DYNC1H1: variants seen among roughly 807,000 people sequenced by gnomAD.
The protein encoded by DYNC1H1 is cytoplasmic dynein 1 heavy chain 1.
DYNC1H1 carries 51 observed loss-of-function variants against 527.1 expected under a neutral mutation model. The observed-to-expected ratio is 0.10, with a 90% CI of 0.08 to 0.12. The LOEUF is 0.12. Ranked by LOEUF, DYNC1H1 falls within the 10% of genes least tolerant of loss-of-function variation. The pLI is 1.00. For missense variants in DYNC1H1, 2,771 were observed against 5,971.8 expected (o/e 0.46, Z 17.66); for synonymous variants, 2,189 against 2,278.8 (o/e 0.96, Z 1.12).
At chr14:102,021,656 CTTTTTT>C (rs757880988) in intron 42 of DYNC1H1, among the ~76,000 whole-genome samples, 2 of 119,840 alleles carry the variant, frequency 1.7e-5, no homozygotes, top group Non-Finnish European at 3.4e-5. Context: ...TTTTCTTTTT[CTTTTTT>C]TTTTTTTTTT....
intron 1 of DYNC1H1, among the ~76,000 whole-genome samples, chr14:101,973,069 T>C (rs998213781): frequency 2.0e-5 from 3 of 152,168 alleles, no homozygotes; most frequent in African/African-American, 7.2e-5. Flanking sequence ...TTAATAGTCG[T>C]TTTAAAAAAT....
intron 10 of DYNC1H1, among the ~76,000 whole-genome samples, chr14:101,990,053 C>T (rs557615494): frequency 2.0e-5 from 3 of 152,210 alleles, no homozygotes; most frequent in African/African-American, 4.8e-5. Flanking sequence ...AGGTGGGCAG[C>T]GGGCTGTCAT....
In DYNC1H1 at chr14:102,017,225, C is replaced by T. The variant is rs768455078; in HGVS notation, c.7986C>T (p.Phe2662=). ...AACTTGGAAAGTGGCTGGTGTTGTT[C>T]TGTGATGAAATCAACTTGCCAGATA... ...PVQLGKWLVL[F]CDEINLPDMD... is the part of the protein sequence containing the mutation. Residue 2662 remains phenylalanine (F), a synonymous_variant, in exon 39 of 78, where the codon TTC becomes TTT. Coordinates refer to ENST00000360184, the MANE Select transcript of DYNC1H1 (RefSeq NM_001376.5). This position sits in a 1 kb window ranked among gnomAD's most constrained non-coding sequence, Gnocchi z 4.6. 4.3e-6 allele frequency: 7 copies of T among 1,614,134 alleles called. No individual in the cohort carries two copies. Among genetic ancestry groups the T allele is most frequent in the Middle Eastern group, 1.6e-4 (1 of 6,084 alleles).
Position 102,020,208 on chromosome 14 carries a change from C to T in DYNC1H1, c.8507+152C>T. The T allele has an allele frequency of 1.9e-6, 2 of 1,065,832 alleles. No homozygotes were observed. Among genetic ancestry groups the T allele is most frequent in the Non-Finnish European group, 2.8e-6 (2 of 721,080 alleles). The allele number at this position is 1,065,832 out of a possible 1,614,324, so 66.0% of individuals were successfully genotyped here. On this transcript the variant is annotated intron_variant, in intron 42 of 77. Coordinates refer to ENST00000360184, the MANE Select transcript of DYNC1H1 (RefSeq NM_001376.5). This position sits in a 1 kb window ranked among gnomAD's most constrained non-coding sequence, Gnocchi z 4.3. ...GAGCAGAGTCAGCCAGGGCAGCCTC[C>T]CGTCTGGACACTGGTCACAGTTGCC...
chr14:101,982,476 C>A (rs562220408), intron 5 of DYNC1H1, among the ~76,000 whole-genome samples: 7 of 151,990 alleles, frequency 4.6e-5, no homozygotes, highest in Non-Finnish European at 8.8e-5. Flanking sequence ...CCTGTAGTCC[C>A]AGCTGCTTGG....
chr14:102,000,848 C>A, intron 18 of DYNC1H1, 106 bp from the exon 19 acceptor site: 1 of 1,019,214 alleles, frequency 9.8e-7, no homozygotes, highest in Non-Finnish European at 1.5e-6. Flanking sequence ...GCTGGGATTA[C>A]AGGCATGAGC....
In DYNC1H1 at chr14:102,039,860, C is replaced by T. The variant is rs1281572682; in HGVS notation, c.11690+128C>T. The T allele has an allele frequency of 4.1e-5, 51 of 1,241,634 alleles. No individual in the cohort carries two copies. In the Admixed American group the frequency reaches 5.9e-4, roughly 14 times the overall value. 76.9% of individuals were successfully genotyped at this position (1,241,634 alleles called of 1,614,324 possible). On this transcript the variant is annotated intron_variant, in intron 62 of 77. Coordinates refer to ENST00000360184, the MANE Select transcript of DYNC1H1 (RefSeq NM_001376.5). The surrounding 1 kb of genome is among the most constrained non-coding windows in gnomAD (Gnocchi z 7.0). ...ATTTTCTTTATTTTATTTTTTGAGACGGAGTCTCCCTTTGTTGCCTAGGCT... is the reference window on the plus strand; with the variant it reads ...ATTTTCTTTATTTTATTTTTTGAGATGGAGTCTCCCTTTGTTGCCTAGGCT...
At position 102,000,277 on chromosome 14, in the gene DYNC1H1, C is replaced by T. The variant is rs2048115250; in HGVS notation, c.3961-9C>T. On this transcript the variant is annotated splice_polypyrimidine_tract_variant and intron_variant, in intron 17 of 77. Transcript: ENST00000360184. ...CCAAAGTCAACTGCTTTACTATTCT[C>T]AATCGCAGGTGGCCTTAGAAGAATT... 1 of 1,614,136 alleles carries T rather than the reference C, an allele frequency of 6.2e-7. No individual in the cohort carries two copies. Among genetic ancestry groups the T allele is most frequent in the East Asian group, 2.2e-5 (1 of 44,878 alleles).
In DYNC1H1 at chr14:102,025,221, A is replaced by T. The variant is rs17541290; in HGVS notation, c.8638-1353A>T. ...GGAGTTCAAGACCAGCCTTACCAAC[A>T]TGGTGAAAACCCATCTCTACTAAAA... On this transcript the variant is annotated intron_variant, in intron 43 of 77. Coordinates refer to ENST00000360184, the MANE Select transcript of DYNC1H1 (RefSeq NM_001376.5). Among the ~76,000 whole-genome samples the T allele has an allele frequency of 7.2e-3, 1,090 of 151,918 alleles. 18 individuals are homozygous for T. Among genetic ancestry groups the T allele is most frequent in the African/African-American group, 0.025 (1,045 of 41,484 alleles).
chr14:102,014,263 G>A (rs2048293986), intron 34 of DYNC1H1, among the ~76,000 whole-genome samples: 1 of 152,172 alleles, frequency 6.6e-6, no homozygotes, highest in Non-Finnish European at 1.5e-5. Context: ...GCTGGGCATG[G>A]TGGTTCGTGC....
In DYNC1H1 at chr14:102,017,018, G is replaced by A; in HGVS notation, c.7848+19G>A. 2 of 1,614,254 alleles carry A rather than the reference G, an allele frequency of 1.2e-6. No homozygotes were observed. The highest frequency in any genetic ancestry group is 1.1e-5 in the South Asian group (1 of 91,084). ...CATGGAGGTAAAGAGGCCAGGAGGT[G>A]GGCAGCAGACCTTTTGGTGCTGAGC... On this transcript the variant is annotated intron_variant, in intron 38 of 77. Transcript: ENST00000360184. The surrounding 1 kb of genome is among the most constrained non-coding windows in gnomAD (Gnocchi z 4.6).
intron 5 of DYNC1H1, among the ~76,000 whole-genome samples, chr14:101,982,422 T>C (rs1319014994): frequency 6.6e-6 from 1 of 151,942 alleles, no homozygotes; most frequent in Non-Finnish European, 1.5e-5. Flanking sequence ...TGAAACCCCG[T>C]GTTTGTAAAA....
Position 102,041,212 on chromosome 14 carries a change from C to T in DYNC1H1, c.11942-362C>T. On this transcript the variant is annotated intron_variant, in intron 64 of 77. Coordinates refer to ENST00000360184, the MANE Select transcript of DYNC1H1 (RefSeq NM_001376.5). This position sits in a 1 kb window ranked among gnomAD's most constrained non-coding sequence, Gnocchi z 4.5. ...ATCAGCCGTTTTTGAGTGTGTTAGGCCAGACCCTGGGCTAGCCAGGCTGAG... is the reference window on the plus strand; with the variant it reads ...ATCAGCCGTTTTTGAGTGTGTTAGGTCAGACCCTGGGCTAGCCAGGCTGAG... 2.6e-6 allele frequency: 1 copy of T among 382,858 alleles called. No homozygotes were observed. The highest frequency in any genetic ancestry group is 2.2e-5 in the South Asian group (1 of 45,032). The allele number at this position is 382,858 out of a possible 1,614,324, so 23.7% of individuals were successfully genotyped here. A position where few individuals can be genotyped will look rare whatever the true frequency, so the allele number is the denominator to read the frequency against.
chr14:102,038,292 T>C lies in DYNC1H1; in HGVS notation c.10909-168T>C, dbSNP rs1351626294. On this transcript the variant is annotated intron_variant, in intron 57 of 77. Transcript: ENST00000360184. This position sits in a 1 kb window ranked among gnomAD's most constrained non-coding sequence, Gnocchi z 7.2. Reference sequence around the variant, plus strand: ...CCGCATCTGGCTGAGTTTTTAATTTTAGTTCATTTAAATGTAAGTAGCCAC... The same window carrying C: ...CCGCATCTGGCTGAGTTTTTAATTTCAGTTCATTTAAATGTAAGTAGCCAC... 8.5e-6 allele frequency: 10 copies of C among 1,173,470 alleles called. No homozygotes were observed. Among genetic ancestry groups the C allele is most frequent in the African/African-American group, 1.5e-5 (1 of 65,888 alleles). 72.7% of individuals were successfully genotyped at this position (1,173,470 alleles called of 1,614,324 possible).
chr14:102,003,102 A>G, intron 23 of DYNC1H1, 137 bp downstream of exon 23: 1 of 1,150,700 alleles, frequency 8.7e-7, no homozygotes, highest in Non-Finnish European at 1.3e-6. Context: ...AATACATATA[A>G]TGATTACCAT....
At position 102,017,300 on chromosome 14, in the gene DYNC1H1, T is replaced by TG; in HGVS notation, c.8055+6_8055+7insG. 1 of 1,614,234 alleles carries TG rather than the reference T, an allele frequency of 6.2e-7. No individual in the cohort carries two copies. The highest frequency in any genetic ancestry group is 1.1e-5 in the South Asian group (1 of 91,088). The stretch of plus-strand genomic sequence containing the variant: ...TCATATCCTTCATCAGACAGGTTTG[T>TG]TTCTATCCACAAGGCCCTTCCTGCC... On this transcript the variant is annotated splice_region_variant and intron_variant, in intron 39 of 77. Transcript: ENST00000360184. This position sits in a 1 kb window ranked among gnomAD's most constrained non-coding sequence, Gnocchi z 4.6.
At chr14:102,045,977 T>C (rs1199021795) in intron 72 of DYNC1H1, among the ~76,000 whole-genome samples, 1 of 151,874 alleles carries the variant, frequency 6.6e-6, no homozygotes, top group Non-Finnish European at 1.5e-5. Context: ...CCATCCTGGC[T>C]AACACGGTGA....
Position 102,050,205 on chromosome 14 carries a change from A to AG in DYNC1H1, c.13812+9dup, listed in dbSNP as rs1413010265. On this transcript the variant is annotated splice_region_variant and intron_variant, in intron 77 of 77. Transcript: ENST00000360184. Reference sequence around the variant, plus strand: ...CGAGAAGAAGGCCAGTGTGGTAAGGAGGCACTGCCTTTCCCAGGCATTCTG... The same window carrying AG: ...CGAGAAGAAGGCCAGTGTGGTAAGGAGGGCACTGCCTTTCCCAGGCATTCTG... 4.3e-6 allele frequency: 7 copies of AG among 1,613,506 alleles called. No individual in the cohort carries two copies. Among genetic ancestry groups the AG allele is most frequent in the Admixed American group, 1.7e-5 (1 of 59,944 alleles).
rs1595633857 is a variant in DYNC1H1 at position 102,045,062 on chromosome 14, G to A, written c.13006+364G>A. ...TCACACCTATAATCCCAGCACTTTG[G>A]GAGGCCAAGGCGGGCAGATCACTCG... On this transcript the variant is annotated intron_variant, in intron 72 of 77. Coordinates refer to ENST00000360184, the MANE Select transcript of DYNC1H1 (RefSeq NM_001376.5). The A allele has an allele frequency of 1.3e-5, 4 of 302,040 alleles. No homozygotes were observed. The East Asian group carries it at 3.2e-4, about 24-fold the overall frequency. The allele number at this position is 302,040 out of a possible 1,614,324, so 18.7% of individuals were successfully genotyped here. A position where few individuals can be genotyped will look rare whatever the true frequency, so the allele number is the denominator to read the frequency against.
Sources: gnomAD v4.1 joint callset for allele counts (sites outside exome capture counted in the v4.1 genomes callset) on GRCh38, gnomAD v4.1.1 for gene constraint, Gnocchi (gnomAD v3.1) non-coding constraint, MANE v1.5 for transcripts, NCBI Gene and HGNC (gene_info 2026-07-23, HGNC 2026-07-21) for gene names.